Variants in TBXAS1 observed in about 807,000 individuals in gnomAD.
The protein encoded by TBXAS1 is thromboxane A synthase 1.
A neutral mutation model predicts 60.7 loss-of-function variants in TBXAS1; 48 were observed. That is an observed-to-expected ratio of 0.79 (90% CI 0.63 to 1.01). TBXAS1 has a LOEUF of 1.01. Ranked by LOEUF, TBXAS1 falls within the 50% of genes least tolerant of loss-of-function variation. The probability of loss-of-function intolerance (pLI) is 0.00; values close to 1 mark genes in which losing one functional copy is unlikely to be tolerated. For missense variants in TBXAS1, 685 were observed against 686.3 expected (o/e 1.00, Z 0.02); for synonymous variants, 287 against 269.7 (o/e 1.06, Z -0.63).
intron 4 of TBXAS1, among the ~76,000 whole-genome samples, chr7:139,820,700 C>T (rs1413248027): frequency 1.3e-5 from 2 of 152,114 alleles, no homozygotes; most frequent in Non-Finnish European, 2.9e-5. Flanking sequence ...ATGTCCTGAC[C>T]CTACCTTATC....
chr7:139,978,919 C>A (rs77364128), intron 9 of TBXAS1, among the ~76,000 whole-genome samples: 1 of 152,132 alleles, frequency 6.6e-6, no homozygotes, highest in Admixed American at 6.5e-5. Flanking sequence ...GGTGCCACTG[C>A]ACTCTAGCAT....
intron 1 of TBXAS1, among the ~76,000 whole-genome samples, chr7:139,836,711 T>G (rs1278852049): frequency 1.3e-5 from 2 of 152,130 alleles, no homozygotes; most frequent in Non-Finnish European, 2.9e-5. Context: ...CTATACAAAT[T>G]CTAGGTATAA....
At chr7:139,943,872 A>G (rs1808483042) in intron 5 of TBXAS1, among the ~76,000 whole-genome samples, 1 of 152,052 alleles carries the variant, frequency 6.6e-6, no homozygotes, top group Non-Finnish European at 1.5e-5. Context: ...TAATTTTTTC[A>G]TTTTAAAAAA....
At chr7:139,998,602 G>T (rs913979939) in intron 9 of TBXAS1, among the ~76,000 whole-genome samples, 1 of 152,172 alleles carries the variant, frequency 6.6e-6, no homozygotes, top group Admixed American at 6.5e-5. Flanking sequence ...CTCACAGTGT[G>T]GTTGTGAAGA....
At chr7:139,943,063 G>A (rs920241272) in intron 5 of TBXAS1, among the ~76,000 whole-genome samples, 9 of 152,176 alleles carry the variant, frequency 5.9e-5, no homozygotes, top group Admixed American at 5.2e-4. Context: ...CTCTCCAGAT[G>A]GTCACATATG....
intron 3 of TBXAS1, among the ~76,000 whole-genome samples, chr7:139,783,118 A>G (rs1797054126): frequency 6.6e-6 from 1 of 152,220 alleles, no homozygotes; most frequent in Admixed American, 6.5e-5. Flanking sequence ...AATGAGGAAC[A>G]ATAGAGCTGT....
chr7:139,967,296 A>G (rs1421301918), intron 9 of TBXAS1, among the ~76,000 whole-genome samples: 1 of 152,204 alleles, frequency 6.6e-6, no homozygotes, highest in Non-Finnish European at 1.5e-5. Context: ...GAGAGGGCAC[A>G]TCAGCAATTC....
chr7:139,978,711 G>A (rs554384556), intron 9 of TBXAS1, among the ~76,000 whole-genome samples: 1 of 150,188 alleles, frequency 6.7e-6, no homozygotes, highest in Non-Finnish European at 1.5e-5. Flanking sequence ...GCCAAGGTGG[G>A]AGGATCACTT....
chr7:139,785,401 A>G (rs555322750), intron 3 of TBXAS1, among the ~76,000 whole-genome samples: 2 of 152,230 alleles, frequency 1.3e-5, no homozygotes, highest in African/African-American at 4.8e-5. Context: ...TCCTTCTGGT[A>G]AACAATAACC....
chr7:139,860,813 CT>C (rs1800907286), intron 1 of TBXAS1, among the ~76,000 whole-genome samples: 1 of 152,196 alleles, frequency 6.6e-6, no homozygotes, highest in African/African-American at 2.4e-5. Flanking sequence ...AATCCCTCAG[CT>C]TGTGGCTACT....
At chr7:139,998,872 A>C (rs1357693001) in intron 9 of TBXAS1, among the ~76,000 whole-genome samples, 1 of 152,200 alleles carries the variant, frequency 6.6e-6, no homozygotes, top group Non-Finnish European at 1.5e-5. Flanking sequence ...TCAGAGTACA[A>C]AAACACCTGG....
At chr7:139,804,949 A>G (rs1444180324) in intron 4 of TBXAS1, among the ~76,000 whole-genome samples, 1 of 152,260 alleles carries the variant, frequency 6.6e-6, no homozygotes, top group Non-Finnish European at 1.5e-5. Flanking sequence ...GAATGAGGAA[A>G]GATCTCTCTT....
intron 1 of TBXAS1, among the ~76,000 whole-genome samples, chr7:139,830,560 T>C (rs186131191): frequency 5.3e-5 from 8 of 152,138 alleles, no homozygotes; most frequent in African/African-American, 1.2e-4. Flanking sequence ...AACTTTTTTA[T>C]CTCATTGTAG....
At chr7:139,814,084 G>C (rs1798089962) in intron 4 of TBXAS1, among the ~76,000 whole-genome samples, 1 of 152,164 alleles carries the variant, frequency 6.6e-6, no homozygotes, top group African/African-American at 2.4e-5. Flanking sequence ...CTGTCCAGAT[G>C]GTACCATCTC....
chr7:139,824,266 C>T (rs1163693681), upstream of TBXAS1, among the ~76,000 whole-genome samples: 1 of 152,116 alleles, frequency 6.6e-6, no homozygotes, highest in Non-Finnish European at 1.5e-5. Context: ...CTGTGGGGAG[C>T]CCTACAAAGT....
intron 9 of TBXAS1, among the ~76,000 whole-genome samples, chr7:139,983,603 A>G (rs182937692): frequency 2.0e-4 from 30 of 152,236 alleles, no homozygotes; most frequent in African/African-American, 7.2e-4. Context: ...ATAGATCTCC[A>G]TGTATTTTAT....
chr7:139,820,759 G>A (rs1452193133), intron 4 of TBXAS1, among the ~76,000 whole-genome samples: 1 of 152,078 alleles, frequency 6.6e-6, no homozygotes, highest in Non-Finnish European at 1.5e-5. Flanking sequence ...ATGCCTCCCA[G>A]CCATGCTGGT....
At chr7:139,833,767 T>G (rs1306762057) in intron 1 of TBXAS1, among the ~76,000 whole-genome samples, 1 of 151,964 alleles carries the variant, frequency 6.6e-6, no homozygotes, top group Non-Finnish European at 1.5e-5. Flanking sequence ...TATCACAGTC[T>G]TAAACATATA....
At chr7:139,801,185 T>G (rs1408770340) in intron 4 of TBXAS1, among the ~76,000 whole-genome samples, 1 of 152,186 alleles carries the variant, frequency 6.6e-6, no homozygotes, top group African/African-American at 2.4e-5. Flanking sequence ...TAAAATAATG[T>G]TTTCTTTGTA....
Sources: allele counts gnomAD v4.1 joint callset (sites outside exome capture counted in the v4.1 genomes callset), GRCh38; gene constraint gnomAD v4.1.1; transcripts MANE v1.5; gene names NCBI Gene and HGNC (gene_info 2026-07-23, HGNC 2026-07-21).